The following CAPN9 variants were observed in gnomAD, a reference collection of about 807,000 sequenced individuals.
CAPN9 encodes calpain-9.
Under a neutral mutation model 92.8 loss-of-function variants are expected in CAPN9, and 81 were observed. That is an observed-to-expected ratio of 0.87 (90% CI 0.73 to 1.05). The LOEUF (loss-of-function observed/expected upper bound fraction) is 1.05, where lower values mean the gene tolerates loss of function less well. CAPN9 is among the 50% of genes least tolerant of loss of function. The pLI is 0.00. For synonymous variants in CAPN9, 304 were observed against 328.0 expected, an observed-to-expected ratio of 0.93 and a Z score of 0.79; for missense variants, 848 against 866.2, an observed-to-expected ratio of 0.98 and a Z score of 0.26.
chr1:230,751,609 GAGAAAGAAAGAA>G (rs1168833010), intron 1 of CAPN9, among the ~76,000 whole-genome samples: 2,375 of 31,254 alleles, frequency 0.076, 69 homozygotes, highest in East Asian at 0.12. Context: ...AAGAAAGAAA[GAGAAAGAAAGAA>G]AGAAAGAAAG....
chr1:230,749,829 C>T (rs985535550), intron 1 of CAPN9, among the ~76,000 whole-genome samples: 2 of 152,200 alleles, frequency 1.3e-5, no homozygotes, highest in African/African-American at 2.4e-5. Flanking sequence ...ATTTCTACTG[C>T]TGTCATTGTA....
intron 1 of CAPN9, among the ~76,000 whole-genome samples, chr1:230,750,066 C>A (rs937677599): frequency 6.6e-6 from 1 of 152,152 alleles, no homozygotes; most frequent in Non-Finnish European, 1.5e-5. Flanking sequence ...GCCTGCCCAG[C>A]GACTCTAGAG....
At chr1:230,791,756 C>T in intron 14 of CAPN9, 108 bp from the exon 15 acceptor site, 3 of 761,456 alleles carry the variant, frequency 3.9e-6, no homozygotes, top group East Asian at 2.5e-5. Flanking sequence ...AGCCACATCA[C>T]AGCCCCCAAC....
In CAPN9 at chr1:230,767,584, G is replaced by C; in HGVS notation, c.580G>C (p.Glu194Gln). The C allele has an allele frequency of 6.2e-7, 1 of 1,613,446 alleles. No individual in the cohort carries two copies. Among genetic ancestry groups the C allele is most frequent in the Non-Finnish European group, 8.5e-7 (1 of 1,179,720 alleles). The change falls in exon 5 of 20, where the codon GAG becomes CAG. Residue 194 changes from glutamate to glutamine, a missense_variant. Physicochemically the swap from Glu to Gln is conservative, Grantham distance 29. Coordinates refer to ENST00000271971, the MANE Select transcript of CAPN9 (RefSeq NM_006615.3). Reference sequence around the variant, plus strand: ...AGCTCTGAAGGGAGGCAGCGCCATCGAGGCCATGGAAGACTTCACTGGGGG... The same window carrying C: ...AGCTCTGAAGGGAGGCAGCGCCATCCAGGCCATGGAAGACTTCACTGGGGG... ...YEALKGGSAI[E>Q]AMEDFTGGVA...
At chr1:230,783,708 A>G (rs1470464311) in intron 11 of CAPN9, among the ~76,000 whole-genome samples, 1 of 152,242 alleles carries the variant, frequency 6.6e-6, no homozygotes, top group African/African-American at 2.4e-5. Flanking sequence ...GAACAGCCTA[A>G]TACAGAAAAT....
chr1:230,781,286 T>G (rs940266227), intron 11 of CAPN9, among the ~76,000 whole-genome samples: 1 of 152,248 alleles, frequency 6.6e-6, no homozygotes, highest in African/African-American at 2.4e-5. Context: ...CCCAGAGTCA[T>G]GCTCACAAGA....
chr1:230,776,734 A>G (rs7537410), intron 8 of CAPN9: 61,853 of 152,080 alleles, frequency 0.41, 13,016 homozygotes, highest in South Asian at 0.61. Flanking sequence ...CCATCTTCTA[A>G]GGTCACGTCA....
intron 12 of CAPN9, 81 bp downstream of exon 12, chr1:230,786,098 A>G: frequency 1.2e-6 from 2 of 1,608,870 alleles, no homozygotes; most frequent in South Asian, 1.1e-5. Context: ...AGCATCATGT[A>G]AAACTCTGCA....
chr1:230,788,806 C>T (rs1667781649), intron 13 of CAPN9, among the ~76,000 whole-genome samples: 1 of 152,048 alleles, frequency 6.6e-6, no homozygotes, highest in African/African-American at 2.4e-5. Flanking sequence ...TGGGTCAGAC[C>T]CAGCAAGACA....
chr1:230,783,378 C>T (rs1345278616), intron 11 of CAPN9, among the ~76,000 whole-genome samples: 1 of 152,010 alleles, frequency 6.6e-6, no homozygotes, highest in African/African-American at 2.4e-5. Context: ...AATTGTAATC[C>T]CCAATGTTGG....
intron 19 of CAPN9, 92 bp from the exon 20 acceptor site, chr1:230,801,478 G>T: frequency 3.4e-6 from 4 of 1,178,062 alleles, no homozygotes; most frequent in Non-Finnish European, 5.1e-6. Flanking sequence ...CAGATCTCCT[G>T]TGATATCAGC....
chr1:230,755,243 C>A, intron 1 of CAPN9, 94 bp from the exon 2 acceptor site: 2 of 993,332 alleles, frequency 2.0e-6, no homozygotes, highest in Non-Finnish European at 3.1e-6. Context: ...GGAAAGCCCT[C>A]TGCCCCAAGA....
chr1:230,782,152 A>C (rs1667269230), intron 11 of CAPN9, among the ~76,000 whole-genome samples: 1 of 152,228 alleles, frequency 6.6e-6, no homozygotes, highest in African/African-American at 2.4e-5. Context: ...AGTCACTGAC[A>C]TGCATAAGGT....
At chr1:230,764,068 CA>C (rs28359640) in intron 4 of CAPN9, among the ~76,000 whole-genome samples, 5 of 150,768 alleles carry the variant, frequency 3.3e-5, no homozygotes, top group African/African-American at 7.3e-5. Context: ...AACAGCTCAC[CA>C]AAAAAAAACT....
Position 230,780,183 on chromosome 1 carries a change from C to A in CAPN9, c.1119C>A (p.Thr373=). Residue 373 remains threonine (T), a synonymous_variant, in exon 10 of 20, where the codon ACC becomes ACA. Coordinates refer to ENST00000271971, the MANE Select transcript of CAPN9 (RefSeq NM_006615.3). ...TCTACCTCTCCCAAATGACAGATAC[C>A]TTTTGGACCAATCCACAAATAAAAT... The part of the protein sequence containing the change: ...TAGGCRNFLD[T]FWTNPQIKLS... The A allele has an allele frequency of 6.2e-7, 1 of 1,607,962 alleles. No homozygotes were observed.
At chr1:230,780,913 T>A (rs1331197721) in intron 11 of CAPN9, among the ~76,000 whole-genome samples, 3 of 152,046 alleles carry the variant, frequency 2.0e-5, no homozygotes, top group Non-Finnish European at 4.4e-5. Flanking sequence ...TTGCCCAGGC[T>A]GGAGTGCAAT....
At position 230,767,541 on chromosome 1, in the gene CAPN9, G is replaced by A. The variant is rs1440213316; in HGVS notation, c.537G>A (p.Lys179=). The A allele has an allele frequency of 6.2e-7, 1 of 1,607,838 alleles. No individual in the cohort carries two copies. The highest frequency in any genetic ancestry group is 1.3e-5 in the African/African-American group (1 of 74,512). The change falls in exon 5 of 20, where the codon AAG becomes AAA. Residue 179 remains lysine, a splice_region_variant and synonymous_variant. Transcript: ENST00000271971. ...CCTCTCTCTCTTGCCACCCTTGCAGGCTAAATGGGAGCTATGAAGCTCTGA... is the reference window on the plus strand; with the variant it reads ...CCTCTCTCTCTTGCCACCCTTGCAGACTAAATGGGAGCTATGAAGCTCTGA... ...WSALLEKAYA[K]LNGSYEALKG...
intron 1 of CAPN9, among the ~76,000 whole-genome samples, chr1:230,752,459 G>T (rs1202418852): frequency 6.6e-6 from 1 of 152,150 alleles, no homozygotes; most frequent in African/African-American, 2.4e-5. Flanking sequence ...CATTGGGTGC[G>T]ATCTGGTTTA....
chr1:230,767,759 G>A (rs1458963701), intron 5 of CAPN9, 50 bp downstream of exon 5: 1 of 1,544,590 alleles, frequency 6.5e-7, no homozygotes, highest in Admixed American at 1.8e-5. Context: ...GGGCTGCATA[G>A]TGCATTCCAG....
Sources: gnomAD v4.1 joint callset for allele counts (sites outside exome capture counted in the v4.1 genomes callset) on GRCh38, gnomAD v4.1.1 for gene constraint, MANE v1.5 for transcripts, NCBI Gene and HGNC (gene_info 2026-07-23, HGNC 2026-07-21) for gene names.